ZNF385D: variants seen among roughly 807,000 people sequenced by gnomAD.
ZNF385D encodes the protein zinc finger protein 385D.
Under a neutral mutation model 35.8 loss-of-function variants are expected in ZNF385D, and 15 were observed. That is an observed-to-expected ratio of 0.42 (90% CI 0.28 to 0.64). The LOEUF is 0.64. ZNF385D is among the 30% of genes least tolerant of loss of function. The probability of loss-of-function intolerance (pLI) is 0.23; values close to 1 mark genes in which losing one functional copy is unlikely to be tolerated. For synonymous variants in ZNF385D, 212 were observed against 186.8 expected, an observed-to-expected ratio of 1.13 and a Z score of -1.10; for missense variants, 474 against 494.6, an observed-to-expected ratio of 0.96 and a Z score of 0.39.
intron 2 of ZNF385D, among the ~76,000 whole-genome samples, chr3:22,370,164 G>A (rs1440032752): frequency 1.3e-5 from 2 of 152,122 alleles, no homozygotes; most frequent in East Asian, 3.9e-4. Context: ...ACCTCTTAAT[G>A]GAAATTTAAA....
chr3:21,889,703 T>C (rs529765836), intron 3 of ZNF385D, among the ~76,000 whole-genome samples: 147 of 152,288 alleles, frequency 9.7e-4, no homozygotes, highest in Non-Finnish European at 1.8e-3. Context: ...GTTTCTCTGA[T>C]GCTACCTTGT....
At chr3:22,042,755 G>T (rs1372341290) in intron 3 of ZNF385D, among the ~76,000 whole-genome samples, 2 of 152,236 alleles carry the variant, frequency 1.3e-5, no homozygotes, top group South Asian at 4.1e-4. Flanking sequence ...TATTGTAAAG[G>T]TCTAATTTAA....
At chr3:21,618,868 T>C (rs1336424251) in intron 2 of ZNF385D, among the ~76,000 whole-genome samples, 1 of 152,166 alleles carries the variant, frequency 6.6e-6, no homozygotes, top group Non-Finnish European at 1.5e-5. Context: ...AGCTTCCTTA[T>C]AGATAACATC....
At chr3:22,142,449 C>G (rs1421542869) in intron 3 of ZNF385D, among the ~76,000 whole-genome samples, 1 of 152,090 alleles carries the variant, frequency 6.6e-6, no homozygotes, top group Non-Finnish European at 1.5e-5. Context: ...ACGAATCAAA[C>G]CAGATGGTTT....
chr3:21,639,499 CTTCT>C lies in ZNF385D; in HGVS notation c.165+25383_165+25386del, dbSNP rs577698530. 3.6e-3 allele frequency among the ~76,000 whole-genome samples: 551 copies of C among 152,080 alleles called. 5 individuals carry two copies. Among genetic ancestry groups the C allele is most frequent in the African/African-American group, 0.012 (500 of 41,516 alleles). On this transcript the variant is annotated intron_variant, in intron 2 of 7. Transcript: ENST00000281523. ...ATAATGCTTGAATTTATCATGAGCT[CTTCT>C]TTATGTCATTAAATATTCTTTCAAA...
At chr3:21,931,607 T>C (rs760443420) in intron 3 of ZNF385D, among the ~76,000 whole-genome samples, 3 of 151,978 alleles carry the variant, frequency 2.0e-5, no homozygotes, top group African/African-American at 7.3e-5. Flanking sequence ...TATACCACGA[T>C]ATGGAAGCGT....
At chr3:21,940,167 C>T (rs558674025) in intron 3 of ZNF385D, among the ~76,000 whole-genome samples, 52 of 152,132 alleles carry the variant, frequency 3.4e-4, no homozygotes, top group African/African-American at 1.2e-3. Context: ...CGAACTATGA[C>T]GGTGTCTACT....
At chr3:22,192,910 G>A (rs1696155478) in intron 2 of ZNF385D, among the ~76,000 whole-genome samples, 1 of 152,070 alleles carries the variant, frequency 6.6e-6, no homozygotes. Flanking sequence ...CCATTATTAT[G>A]ATCAAACCAT....
rs1700578469 is a variant in ZNF385D, at chr3:21,417,466, A to G, written c.*3748T>C. The G allele has an allele frequency of 1.3e-5, 2 of 152,032 alleles. No homozygotes were observed. Among genetic ancestry groups the G allele is most frequent in the Admixed American group, 6.6e-5 (1 of 15,254 alleles). The allele number at this position is 152,032 out of a possible 1,614,324, so 9.4% of individuals were successfully genotyped here. On this transcript the variant is annotated 3_prime_UTR_variant, in exon 8 of 8. Transcript: ENST00000281523. ...ATCCATGCTTATGTATAGAAAGGTA[A>G]TTTTCTACTTCAATTCAGATCTAAA...
chr3:21,816,582 C>A (rs527452479), intron 3 of ZNF385D, among the ~76,000 whole-genome samples: 2 of 152,092 alleles, frequency 1.3e-5, no homozygotes, highest in African/African-American at 2.4e-5. Context: ...CTCCCATTCA[C>A]AATTGCTTCA....
chr3:22,366,905 C>T (rs1018120900), intron 2 of ZNF385D, among the ~76,000 whole-genome samples: 1 of 152,068 alleles, frequency 6.6e-6, no homozygotes, highest in Admixed American at 6.6e-5. Context: ...AGTGATGTGG[C>T]CACAAGCCAA....
At chr3:21,789,793 T>A (rs552894812) in intron 3 of ZNF385D, among the ~76,000 whole-genome samples, 1 of 152,332 alleles carries the variant, frequency 6.6e-6, no homozygotes, top group African/African-American at 2.4e-5. Context: ...GATAGCTGCA[T>A]CATCACTTAT....
intron 3 of ZNF385D, among the ~76,000 whole-genome samples, chr3:21,944,742 G>A (rs1238876996): frequency 6.6e-6 from 1 of 151,696 alleles, no homozygotes; most frequent in Non-Finnish European, 1.5e-5. Flanking sequence ...TGAGAGAGGA[G>A]AAAAAAATTT....
At chr3:22,194,375 G>T (rs1696264523) in intron 2 of ZNF385D, among the ~76,000 whole-genome samples, 1 of 151,566 alleles carries the variant, frequency 6.6e-6, no homozygotes, top group Non-Finnish European at 1.5e-5. Flanking sequence ...AATTCAATCT[G>T]ACAGGTATTT....
At chr3:21,859,972 T>A (rs1696959129) in intron 3 of ZNF385D, among the ~76,000 whole-genome samples, 1 of 151,910 alleles carries the variant, frequency 6.6e-6, no homozygotes, top group Non-Finnish European at 1.5e-5. Flanking sequence ...TCAGACACAA[T>A]TTGACTTGAA....
chr3:21,440,687 C>A (rs1253634765), intron 4 of ZNF385D, among the ~76,000 whole-genome samples: 1 of 152,134 alleles, frequency 6.6e-6, no homozygotes, highest in Non-Finnish European at 1.5e-5. Context: ...TATATGGGAA[C>A]TTTCTGATAT....
intron 4 of ZNF385D, among the ~76,000 whole-genome samples, chr3:21,485,398 C>T (rs1412771871): frequency 1.3e-5 from 2 of 152,118 alleles, no homozygotes; most frequent in Non-Finnish European, 2.9e-5. Flanking sequence ...GAGAAGACAA[C>T]TTGAATTGTC....
intron 2 of ZNF385D, among the ~76,000 whole-genome samples, chr3:22,253,874 A>G (rs1200611320): frequency 6.6e-6 from 1 of 151,976 alleles, no homozygotes; most frequent in Non-Finnish European, 1.5e-5. Context: ...TTTCAAATCC[A>G]TGGGAAAATA....
intron 2 of ZNF385D, among the ~76,000 whole-genome samples, chr3:22,345,277 A>G (rs1695606727): frequency 6.6e-6 from 1 of 152,206 alleles, no homozygotes; most frequent in Non-Finnish European, 1.5e-5. Context: ...ATACAGAGCA[A>G]AAGGTTTCCA....
Sources: allele counts gnomAD v4.1 joint callset (sites outside exome capture counted in the v4.1 genomes callset), GRCh38; gene constraint gnomAD v4.1.1; transcripts MANE v1.5; gene names NCBI Gene and HGNC (gene_info 2026-07-23, HGNC 2026-07-21).